Variants in SLC12A3 observed in about 807,000 individuals in gnomAD.
The protein encoded by SLC12A3 is solute carrier family 12 member 3.
Under a neutral mutation model 121.0 loss-of-function variants are expected in SLC12A3, and 104 were observed. The observed-to-expected ratio is 0.86, with a 90% confidence interval of 0.73 to 1.01. SLC12A3 has a LOEUF of 1.01. SLC12A3 is among the 50% of genes least tolerant of loss of function. The pLI, the probability that SLC12A3 is intolerant of heterozygous loss-of-function variation, is 0.00. For synonymous variants in SLC12A3, 536 were observed against 533.4 expected (o/e 1.00, Z -0.07); for missense variants, 1,328 against 1,356.3 (o/e 0.98, Z 0.33).
intron 19 of SLC12A3, among the ~76,000 whole-genome samples, chr16:56,890,905 A>G (rs1194310828): frequency 6.7e-6 from 1 of 148,198 alleles, no homozygotes; most frequent in Non-Finnish European, 1.5e-5. Flanking sequence ...TCCATCTCAA[A>G]AAAAAAAAAA....
chr16:56,871,581 TTCCCTGGACAG>T (rs2055098260), intron 6 of SLC12A3, among the ~76,000 whole-genome samples: 1 of 152,198 alleles, frequency 6.6e-6, no homozygotes, highest in African/African-American at 2.4e-5. Flanking sequence ...CTGAGCTGAA[TTCCCTGGACAG>T]TTCTCTGGCT....
intron 23 of SLC12A3, among the ~76,000 whole-genome samples, chr16:56,900,373 G>A (rs2055521450): frequency 6.6e-6 from 1 of 152,114 alleles, no homozygotes; most frequent in Admixed American, 6.6e-5. Context: ...GACAGATCAG[G>A]GTGCCAAGGA....
rs1224986525 is a variant in SLC12A3 at position 56,865,356 on chromosome 16, CA to C, written c.122del (p.His41ProfsTer5). The C allele has an allele frequency of 6.2e-7, 1 of 1,614,198 alleles. No individual in the cohort carries two copies. The highest frequency in any genetic ancestry group is 1.1e-5 in the South Asian group (1 of 91,090). ...PSPPAAYDSS[H>X]PSHLTHSSTF... is the part of the protein sequence containing the mutation. ...TCCACCAGCTGCCTATGACAGCAGC[CA>C]CCCCAGCCACCTGACCCACAGCAGC... On this transcript the variant is annotated frameshift_variant, in exon 1 of 26. Coordinates refer to ENST00000563236, the MANE Select transcript of SLC12A3 (RefSeq NM_001126108.2). LOFTEE classifies it high-confidence loss of function.
At chr16:56,883,928 T>C in intron 13 of SLC12A3, 121 bp from the exon 14 acceptor site, 1 of 1,088,142 alleles carries the variant, frequency 9.2e-7, no homozygotes, top group South Asian at 1.4e-5. Context: ...GGCTGGTGGG[T>C]ACAGGCTGGG....
At chr16:56,883,799 T>C (rs2055273480) in intron 13 of SLC12A3, among the ~76,000 whole-genome samples, 1 of 152,194 alleles carries the variant, frequency 6.6e-6, no homozygotes, top group African/African-American at 2.4e-5. Flanking sequence ...ACATGGGATG[T>C]CCTGTGGCTG....
intron 19 of SLC12A3, among the ~76,000 whole-genome samples, chr16:56,891,298 G>A (rs1259534638): frequency 6.7e-6 from 1 of 149,216 alleles, no homozygotes; most frequent in African/African-American, 2.5e-5. Flanking sequence ...CTTGAGGCCA[G>A]GAGTTTGAGG....
chr16:56,913,132 C>T, intron 25 of SLC12A3, 132 bp from the exon 26 acceptor site: 1 of 1,160,680 alleles, frequency 8.6e-7, no homozygotes, highest in Admixed American at 1.9e-5. Flanking sequence ...GTGGGGAGGT[C>T]ATTCTTAGGG....
In SLC12A3 at chr16:56,913,122, G is replaced by A. The variant is rs974987675; in HGVS notation, c.2925-142G>A. ...ATTCTGGGTCAGGTTTGTGCGGAAA[G>A]TGGGGAGGTCATTCTTAGGGTGGGT... On this transcript the variant is annotated intron_variant, in intron 25 of 25. Coordinates refer to ENST00000563236, the MANE Select transcript of SLC12A3 (RefSeq NM_001126108.2). 33 of 1,038,660 alleles carry A rather than the reference G, an allele frequency of 3.2e-5. 1 individual carries two copies. Among genetic ancestry groups the A allele is most frequent in the Admixed American group, 5.8e-5 (3 of 51,524 alleles). The allele number at this position is 1,038,660 out of a possible 1,614,324, so 64.3% of individuals were successfully genotyped here.
intron 25 of SLC12A3, among the ~76,000 whole-genome samples, chr16:56,909,378 G>A (rs190592676): frequency 8.6e-5 from 13 of 150,646 alleles, no homozygotes; most frequent in Admixed American, 2.6e-4. Context: ...ATTTCATCCC[G>A]GGAGGTGACC....
intron 15 of SLC12A3, among the ~76,000 whole-genome samples, 179 bp downstream of exon 15, chr16:56,885,543 T>C (rs1244701031): frequency 1.3e-5 from 2 of 152,112 alleles, no homozygotes; most frequent in East Asian, 1.9e-4. Context: ...GGGGTGGACA[T>C]ATCCTGATGG....
chr16:56,867,196 G>A lies in SLC12A3; in HGVS notation c.409G>A (p.Gly137Ser), dbSNP rs143774019. Residue 137 changes from glycine (G) to serine (S), a missense_variant, in exon 2 of 26, where the codon GGC becomes AGC. Coordinates refer to ENST00000563236, the MANE Select transcript of SLC12A3 (RefSeq NM_001126108.2). ...EKNPEEPVRF[G>S]WVKGVMIRCM... ...GAACCCCGAGGAGCCAGTGCGCTTCGGCTGGGTCAAGGGGGTGATGGTGAG... is the reference window on the plus strand; with the variant it reads ...GAACCCCGAGGAGCCAGTGCGCTTCAGCTGGGTCAAGGGGGTGATGGTGAG... 1.5e-5 allele frequency: 24 copies of A among 1,611,984 alleles called. No homozygotes were observed. In the African/African-American group the frequency reaches 1.9e-4, roughly 13 times the overall value.
intron 22 of SLC12A3, among the ~76,000 whole-genome samples, chr16:56,897,088 T>A (rs2055475251): frequency 7.8e-6 from 1 of 128,968 alleles, no homozygotes; most frequent in Non-Finnish European, 1.5e-5. Context: ...CAAGACTCCA[T>A]CTCAAAAAAA....
intron 17 of SLC12A3, among the ~76,000 whole-genome samples, chr16:56,887,366 G>C (rs1008673256): frequency 2.0e-5 from 3 of 151,982 alleles, no homozygotes; most frequent in Admixed American, 2.0e-4. Context: ...CACCACACCC[G>C]GCTAGTTTTT....
Position 56,879,668 on chromosome 16 carries a change from G to A in SLC12A3, c.1443+19G>A. On this transcript the variant is annotated intron_variant, in intron 11 of 25. Coordinates refer to ENST00000563236, the MANE Select transcript of SLC12A3 (RefSeq NM_001126108.2). Reference sequence around the variant, plus strand: ...CTTCCAGGTGAGGCCGCAGAAAGGGGTCGAGATGACAGGGGGTGGGGAGCC... The same window carrying A: ...CTTCCAGGTGAGGCCGCAGAAAGGGATCGAGATGACAGGGGGTGGGGAGCC... 1 of 1,588,428 alleles carries A rather than the reference G, an allele frequency of 6.3e-7. No homozygotes were observed. The highest frequency in any genetic ancestry group is 8.6e-7 in the Non-Finnish European group (1 of 1,159,446).
intron 23 of SLC12A3, among the ~76,000 whole-genome samples, 166 bp downstream of exon 23, chr16:56,899,782 G>T (rs2055514068): frequency 6.6e-6 from 1 of 152,240 alleles, no homozygotes; most frequent in African/African-American, 2.4e-5. Context: ...TGTGGCCGGG[G>T]CCTGTCCCCT....
intron 25 of SLC12A3, chr16:56,906,662 A>G: frequency 4.7e-6 from 2 of 423,668 alleles, no homozygotes; most frequent in South Asian, 2.9e-5. Flanking sequence ...TTCAGGACCA[A>G]CTAGCCAAAA....
At position 56,879,554 on chromosome 16, in the gene SLC12A3, G is replaced by T; in HGVS notation, c.1348G>T (p.Val450Leu). ...LINYYQTMSM[V>L]SGFAPLITAG... is the part of the protein sequence containing the mutation. ...CAAATCCCCACAGACCATGAGCATGGTGTCAGGCTTCGCGCCCCTGATCAC... is the reference window on the plus strand; with the variant it reads ...CAAATCCCCACAGACCATGAGCATGTTGTCAGGCTTCGCGCCCCTGATCAC... Residue 450 changes from valine (V) to leucine (L), a missense_variant, in exon 11 of 26, where the codon GTG becomes TTG. Physicochemically the swap from Val to Leu is conservative, Grantham distance 32 (BLOSUM62 1). Coordinates refer to ENST00000563236, the MANE Select transcript of SLC12A3 (RefSeq NM_001126108.2). The T allele has an allele frequency of 6.2e-7, 1 of 1,613,530 alleles. No homozygotes were observed. Among genetic ancestry groups the T allele is most frequent in the Non-Finnish European group, 8.5e-7 (1 of 1,179,722 alleles).
intron 2 of SLC12A3, among the ~76,000 whole-genome samples, chr16:56,867,649 C>G (rs1428210531): frequency 6.6e-6 from 1 of 152,158 alleles, no homozygotes; most frequent in Non-Finnish European, 1.5e-5. Flanking sequence ...CTGATCTTAA[C>G]GCTGCCAACT....
chr16:56,867,959 T>C (rs1264213967), intron 2 of SLC12A3, among the ~76,000 whole-genome samples: 1 of 152,220 alleles, frequency 6.6e-6, no homozygotes, highest in Non-Finnish European at 1.5e-5. Context: ...TGCCAGGCTC[T>C]GGATCAACTG....
Sources: allele counts gnomAD v4.1 joint callset (sites outside exome capture counted in the v4.1 genomes callset), GRCh38; gene constraint gnomAD v4.1.1; transcripts MANE v1.5; gene names NCBI Gene and HGNC (gene_info 2026-07-23, HGNC 2026-07-21).